The following FBXL5 variants were observed in gnomAD, a reference collection of about 807,000 sequenced individuals.
The protein encoded by FBXL5 is F-box and leucine rich repeat protein 5.
FBXL5 carries 26 observed loss-of-function variants against 78.3 expected under a neutral mutation model. That is an observed-to-expected ratio of 0.33 (90% CI 0.24 to 0.46). The LOEUF (loss-of-function observed/expected upper bound fraction) is 0.46. Ranked by LOEUF, FBXL5 falls within the 20% of genes least tolerant of loss-of-function variation. The probability of loss-of-function intolerance (pLI) is 1.00; values close to 1 mark genes in which losing one functional copy is unlikely to be tolerated. For missense variants in FBXL5, 710 were observed against 829.2 expected, an observed-to-expected ratio of 0.86 and a Z score of 1.77; for synonymous variants, 295 against 282.5, an observed-to-expected ratio of 1.04 and a Z score of -0.45.
At chr4:15,672,099 A>G (rs1181754376) in intron 1 of FBXL5, among the ~76,000 whole-genome samples, 1 of 152,162 alleles carries the variant, frequency 6.6e-6, no homozygotes, top group Non-Finnish European at 1.5e-5. Flanking sequence ...TTTGTTCTAG[A>G]ATTCAGTTAA....
In FBXL5 at chr4:15,636,505, T is replaced by G; in HGVS notation, c.755A>C (p.His252Pro). The change falls in exon 5 of 11, where the codon CAT becomes CCT. Residue 252 changes from histidine to proline, a missense_variant. This residue lies in a region of FBXL5 where 517 missense variants were observed against 542.9 expected (regional missense o/e 0.95). Transcript: ENST00000341285. ...ACCCATTTACCTACCTCTGGCCCAA[T>G]GAACAGGGTAAAGATGTTTCCAAAG... The part of the protein sequence containing the change: ...GSLWKHLYPV[H>P]WARGDWYSGP... 6.3e-7 allele frequency: 1 copy of G among 1,596,072 alleles called. No homozygotes were observed.
intron 1 of FBXL5, among the ~76,000 whole-genome samples, chr4:15,650,332 C>T (rs573397680): frequency 6.6e-6 from 1 of 152,190 alleles, no homozygotes; most frequent in Non-Finnish European, 1.5e-5. Context: ...CAGATTCACA[C>T]GCATCACAAA....
At chr4:15,638,096 CAAGGA>C (rs1714470109) in intron 4 of FBXL5, among the ~76,000 whole-genome samples, 2 of 151,768 alleles carry the variant, frequency 1.3e-5, no homozygotes, top group African/African-American at 2.4e-5. Context: ...GAAAAAAACA[CAAGGA>C]AAGAGAAAAG....
chr4:15,658,672 C>G (rs1279467037), upstream of FBXL5, among the ~76,000 whole-genome samples: 1 of 152,150 alleles, frequency 6.6e-6, no homozygotes, highest in Non-Finnish European at 1.5e-5. Context: ...ACTTCTCAGC[C>G]CCACACTGTA....
At position 15,626,857 on chromosome 4, in the gene FBXL5, G is replaced by A. The variant is rs910968594; in HGVS notation, c.1124+16C>T. The A allele has an allele frequency of 2.6e-6, 4 of 1,548,408 alleles. No homozygotes were observed. The African/African-American group carries it at 6.2e-5, about 24-fold the overall frequency. On this transcript the variant is annotated intron_variant, in intron 8 of 10. Coordinates refer to ENST00000341285, the MANE Select transcript of FBXL5 (RefSeq NM_012161.4). Reference sequence around the variant, plus strand: ...AATAGTTTTTCATTATATTTAAATTGTTTAAAATAACTAACCTGTCAAATG... The same window carrying A: ...AATAGTTTTTCATTATATTTAAATTATTTAAAATAACTAACCTGTCAAATG...
At chr4:15,649,164 CA>C (rs1181709049) in intron 1 of FBXL5, among the ~76,000 whole-genome samples, 29 of 136,922 alleles carry the variant, frequency 2.1e-4, no homozygotes, top group African/African-American at 1.9e-4. Context: ...AAAACAAAGC[CA>C]AAAAAAAAAG....
At chr4:15,646,868 G>C (rs1211155721) in intron 1 of FBXL5, among the ~76,000 whole-genome samples, 2 of 151,834 alleles carry the variant, frequency 1.3e-5, no homozygotes, top group African/African-American at 2.4e-5. Context: ...TTTTTTTAAT[G>C]GCAAAAAGTA....
At chr4:15,656,341 T>C (rs189867862), upstream of FBXL5, 9 of 453,938 alleles carry the variant, frequency 2.0e-5, no homozygotes, top group Admixed American at 1.9e-4. Context: ...GCTGGAGTAC[T>C]GCTGGACAGA....
At chr4:15,656,162 G>A (rs1716915131), upstream of FBXL5, 1 of 456,026 alleles carries the variant, frequency 2.2e-6, no homozygotes, top group Non-Finnish European at 4.4e-6. Flanking sequence ...GGTTGGTGCG[G>A]GAAAGAACCT....
At chr4:15,620,767 G>C (rs552258736) in intron 9 of FBXL5, among the ~76,000 whole-genome samples, 6 of 152,372 alleles carry the variant, frequency 3.9e-5, no homozygotes, top group Non-Finnish European at 8.8e-5. Context: ...ACGGGAATGA[G>C]GGCAAAGAAC....
intron 10 of FBXL5, among the ~76,000 whole-genome samples, chr4:15,611,070 C>T (rs1431371307): frequency 6.6e-6 from 1 of 152,088 alleles, no homozygotes; most frequent in Non-Finnish European, 1.5e-5. Context: ...ACTACGATGA[C>T]ATTCACTTTC....
chr4:15,653,384 G>A (rs894671086), intron 1 of FBXL5, among the ~76,000 whole-genome samples: 1 of 152,168 alleles, frequency 6.6e-6, no homozygotes, highest in Admixed American at 6.5e-5. Flanking sequence ...GACAGAAAAA[G>A]AGCGACTAAC....
At chr4:15,655,099 G>T (rs1446547967) in intron 1 of FBXL5, 105 bp downstream of exon 1, 4 of 907,268 alleles carry the variant, frequency 4.4e-6, no homozygotes, top group Non-Finnish European at 5.6e-6. Flanking sequence ...GCGCGGCGAC[G>T]GCACGGGGCT....
chr4:15,618,442 A>C (rs1445045577), intron 9 of FBXL5, among the ~76,000 whole-genome samples: 1 of 152,246 alleles, frequency 6.6e-6, no homozygotes, highest in Non-Finnish European at 1.5e-5. Flanking sequence ...ATCAAGAAGA[A>C]ACAGAAAATC....
intron 3 of FBXL5, among the ~76,000 whole-genome samples, 169 bp from the exon 4 acceptor site, chr4:15,638,863 G>A (rs1714541793): frequency 6.6e-6 from 1 of 152,180 alleles, no homozygotes; most frequent in African/African-American, 2.4e-5. Context: ...TTGCAGAGAA[G>A]AGTACACCAA....
intron 1 of FBXL5, among the ~76,000 whole-genome samples, chr4:15,647,242 A>G (rs888176691): frequency 2.0e-4 from 26 of 132,768 alleles, no homozygotes; most frequent in African/African-American, 7.4e-4. Flanking sequence ...AAAAAAAAAA[A>G]AGAAAGAAAA....
chr4:15,625,204 G>A (rs377370691), intron 9 of FBXL5, 48 bp downstream of exon 9: 4 of 1,505,948 alleles, frequency 2.7e-6, no homozygotes, highest in Non-Finnish European at 3.5e-6. Flanking sequence ...ATTCCATTTG[G>A]AAATGAGAAC....
intron 1 of FBXL5, among the ~76,000 whole-genome samples, chr4:15,652,701 C>T (rs1417342153): frequency 6.6e-6 from 1 of 152,078 alleles, no homozygotes; most frequent in Admixed American, 6.6e-5. Flanking sequence ...TTACTTGATG[C>T]TAGTAAATAA....
Position 15,638,653 on chromosome 4 carries a change from C to T in FBXL5, c.438G>A (p.Glu146=). 1 of 1,609,996 alleles carries T rather than the reference C, an allele frequency of 6.2e-7. No individual in the cohort carries two copies. ...TCACTTTCTTTTTAATATCCTTAAGCTCTTCATAGGTAAAATATTCCATTA... is the reference window on the plus strand; with the variant it reads ...TCACTTTCTTTTTAATATCCTTAAGTTCTTCATAGGTAAAATATTCCATTA... ...PMLMEYFTYE[E]LKDIKKKVIA... Residue 146 remains glutamate, a synonymous_variant, in exon 4 of 11, where the codon GAG becomes GAA. Transcript: ENST00000341285.
Sources: gnomAD v4.1 joint callset for allele counts (sites outside exome capture counted in the v4.1 genomes callset) on GRCh38, gnomAD v4.1.1 for gene constraint, gnomAD v4.1.1 regional missense constraint, MANE v1.5 for transcripts, NCBI Gene and HGNC (gene_info 2026-07-23, HGNC 2026-07-21) for gene names.